HS3ST5: variants seen among roughly 807,000 people sequenced by gnomAD.
The protein encoded by HS3ST5 is heparan sulfate glucosamine 3-O-sulfotransferase 5.
In HS3ST5, 10 loss-of-function variants were observed where a neutral mutation model predicts 25.4. The ratio of observed to expected loss-of-function variants is 0.39; its 90% CI spans 0.24 to 0.67. HS3ST5 has a LOEUF of 0.67. HS3ST5 is among the 30% of genes least tolerant of loss of function. The pLI, the probability that HS3ST5 is intolerant of heterozygous loss-of-function variation, is 0.44. For missense variants in HS3ST5, 324 were observed against 420.7 expected, an observed-to-expected ratio of 0.77 and a Z score of 2.01; for synonymous variants, 170 against 162.4, an observed-to-expected ratio of 1.05 and a Z score of -0.36.
At chr6:114,329,753 C>T (rs1366776118) in intron 1 of HS3ST5, among the ~76,000 whole-genome samples, 1 of 152,174 alleles carries the variant, frequency 6.6e-6, no homozygotes, top group Non-Finnish European at 1.5e-5. Context: ...CCTTCTTCTT[C>T]CACCATCTGT....
At chr6:114,155,631 A>T (rs1444702129) in intron 3 of HS3ST5, among the ~76,000 whole-genome samples, 1 of 152,176 alleles carries the variant, frequency 6.6e-6, no homozygotes, top group African/African-American at 2.4e-5. Context: ...AAGCAACAAA[A>T]CCACTCTGTG....
chr6:114,090,357 G>C (rs1328806015), intron 3 of HS3ST5, among the ~76,000 whole-genome samples: 1 of 151,930 alleles, frequency 6.6e-6, no homozygotes, highest in East Asian at 1.9e-4. Flanking sequence ...ATTTTTTTCT[G>C]GCTGTAACTT....
chr6:114,215,638 T>A (rs1291268464), intron 2 of HS3ST5, among the ~76,000 whole-genome samples: 1 of 152,082 alleles, frequency 6.6e-6, no homozygotes, highest in Non-Finnish European at 1.5e-5. Context: ...CTCCTGGCCA[T>A]CAAGGCTTCC....
intron 1 of HS3ST5, among the ~76,000 whole-genome samples, chr6:114,260,814 T>A (rs1168330116): frequency 2.6e-5 from 4 of 152,128 alleles, no homozygotes; most frequent in Non-Finnish European, 5.9e-5. Flanking sequence ...CCTAAAGTGG[T>A]TTTTTGTTTT....
At chr6:114,319,509 C>A (rs1775878300) in intron 1 of HS3ST5, among the ~76,000 whole-genome samples, 1 of 152,132 alleles carries the variant, frequency 6.6e-6, no homozygotes, top group Admixed American at 6.6e-5. Flanking sequence ...ATCAATTTCT[C>A]ATCTTTTAAT....
At chr6:114,260,433 A>T (rs1384281455) in intron 1 of HS3ST5, among the ~76,000 whole-genome samples, 1 of 152,248 alleles carries the variant, frequency 6.6e-6, no homozygotes, top group Non-Finnish European at 1.5e-5. Context: ...CTTCGTAAAC[A>T]ACTCTTTCAC....
chr6:114,256,554 C>A (rs1772934925), intron 1 of HS3ST5, among the ~76,000 whole-genome samples: 1 of 152,172 alleles, frequency 6.6e-6, no homozygotes, highest in African/African-American at 2.4e-5. Flanking sequence ...CAAAATATCA[C>A]CATCTCTTTG....
intron 2 of HS3ST5, among the ~76,000 whole-genome samples, chr6:114,182,493 T>C (rs1167503290): frequency 6.6e-6 from 1 of 152,278 alleles, no homozygotes; most frequent in East Asian, 1.9e-4. Flanking sequence ...GTTAAGCAGA[T>C]TACTAAACCT....
chr6:114,105,924 G>A (rs1775968797), intron 3 of HS3ST5, among the ~76,000 whole-genome samples: 1 of 152,108 alleles, frequency 6.6e-6, no homozygotes, highest in Admixed American at 6.6e-5. Context: ...TTGCACACAT[G>A]TTCTTTTACA....
intron 1 of HS3ST5, among the ~76,000 whole-genome samples, chr6:114,236,634 A>G (rs906687827): frequency 1.3e-5 from 2 of 152,194 alleles, no homozygotes; most frequent in Admixed American, 1.3e-4. Flanking sequence ...CACTATACAC[A>G]ATATTTTGTG....
intron 1 of HS3ST5, among the ~76,000 whole-genome samples, chr6:114,279,782 T>C (rs1774024869): frequency 6.6e-6 from 1 of 151,950 alleles, no homozygotes; most frequent in Admixed American, 6.6e-5. Flanking sequence ...TTCCAGAAGT[T>C]GGGAGATTTT....
chr6:114,336,619 T>C (rs944076788), intron 1 of HS3ST5, among the ~76,000 whole-genome samples: 14 of 151,900 alleles, frequency 9.2e-5, no homozygotes, highest in African/African-American at 3.4e-4. Context: ...ATAATAATAA[T>C]AATAATAATT....
intron 3 of HS3ST5, among the ~76,000 whole-genome samples, chr6:114,092,905 C>T (rs1010582440): frequency 6.6e-6 from 1 of 152,022 alleles, no homozygotes. Context: ...GAACTCCTGA[C>T]CTCAGGTGAT....
At chr6:114,084,389 T>G in intron 3 of HS3ST5, 1 of 755,976 alleles carries the variant, frequency 1.3e-6, no homozygotes, top group Admixed American at 1.7e-5. Context: ...TCCTCCTCGG[T>G]CACAGCATTT....
chr6:114,107,228 G>T (rs1396726718), intron 3 of HS3ST5, among the ~76,000 whole-genome samples: 2 of 152,066 alleles, frequency 1.3e-5, no homozygotes, highest in Non-Finnish European at 2.9e-5. Context: ...CCCAAGGATG[G>T]TTTTACATTT....
chr6:114,294,773 C>T (rs548642909), intron 1 of HS3ST5, among the ~76,000 whole-genome samples: 22 of 152,210 alleles, frequency 1.4e-4, no homozygotes, highest in African/African-American at 4.6e-4. Context: ...ATGTTAATAC[C>T]ATGCAATGTT....
At chr6:114,276,447 C>T (rs1230291539) in intron 1 of HS3ST5, among the ~76,000 whole-genome samples, 1 of 151,654 alleles carries the variant, frequency 6.6e-6, no homozygotes, top group Admixed American at 6.6e-5. Flanking sequence ...TATTCAGTAT[C>T]TTTGTAATCA....
chr6:114,315,686 G>A (rs785134), intron 1 of HS3ST5, among the ~76,000 whole-genome samples: 9,334 of 152,154 alleles, frequency 0.061, 881 homozygotes, highest in African/African-American at 0.21. Flanking sequence ...TTCATGCTCT[G>A]TTTTATGAAA....
At chr6:114,160,589 AC>A (rs1778899714) in intron 3 of HS3ST5, among the ~76,000 whole-genome samples, 1 of 152,148 alleles carries the variant, frequency 6.6e-6, no homozygotes, top group Admixed American at 6.6e-5. Flanking sequence ...AAAAACACTT[AC>A]AATTTATATT....
Sources: allele counts gnomAD v4.1 joint callset (sites outside exome capture counted in the v4.1 genomes callset), GRCh38; gene constraint gnomAD v4.1.1; transcripts MANE v1.5; gene names NCBI Gene and HGNC (gene_info 2026-07-23, HGNC 2026-07-21).